The following DLGAP1 variants were observed in gnomAD, a reference collection of about 807,000 sequenced individuals.
The protein encoded by DLGAP1 is DLG associated protein 1.
DLGAP1 carries 11 observed loss-of-function variants against 90.8 expected under a neutral mutation model. The observed-to-expected ratio is 0.12, with a 90% CI of 0.08 to 0.20. The LOEUF (loss-of-function observed/expected upper bound fraction) is 0.20. DLGAP1 is among the 10% of genes least tolerant of loss of function. The pLI is 1.00. For missense variants in DLGAP1, 1,050 were observed against 1,333.8 expected, an observed-to-expected ratio of 0.79 and a Z score of 3.31; for synonymous variants, 558 against 540.7, an observed-to-expected ratio of 1.03 and a Z score of -0.44.
At chr18:4,319,329 T>A (rs2080616760) in intron 1 of DLGAP1, among the ~76,000 whole-genome samples, 1 of 152,202 alleles carries the variant, frequency 6.6e-6, no homozygotes, top group Admixed American at 6.5e-5. Context: ...GCGATTATAT[T>A]GTCCTAAATT....
chr18:3,891,643 G>A (rs1292579960), intron 3 of DLGAP1, among the ~76,000 whole-genome samples: 1 of 152,194 alleles, frequency 6.6e-6, no homozygotes, highest in Admixed American at 6.5e-5. Context: ...CCAGGCACGT[G>A]TTGTCCACTT....
intron 5 of DLGAP1, among the ~76,000 whole-genome samples, chr18:3,757,280 C>T (rs546283210): frequency 4.2e-4 from 64 of 152,244 alleles, no homozygotes; most frequent in Middle Eastern, 3.4e-3. Flanking sequence ...TGGTGGCATG[C>T]GCCTGTAGTC....
chr18:3,517,640 A>G lies in DLGAP1; in HGVS notation c.2480-8979T>C, dbSNP rs1599020024. Among the ~76,000 whole-genome samples the G allele has an allele frequency of 1.3e-5, 2 of 152,236 alleles. No individual in the cohort carries two copies. The highest frequency in any genetic ancestry group is 3.9e-4 in the East Asian group (2 of 5,174). ...CGAGACAAGCCTGACCAACATGGTGAAACCAAGTCTCTACTAAAAATACAA... is the reference window on the plus strand; with the variant it reads ...CGAGACAAGCCTGACCAACATGGTGGAACCAAGTCTCTACTAAAAATACAA... On this transcript the variant is annotated intron_variant, in intron 10 of 12. Coordinates refer to ENST00000315677, the MANE Select transcript of DLGAP1 (RefSeq NM_004746.4). This position sits in a 1 kb window ranked among gnomAD's most constrained non-coding sequence, Gnocchi z 4.1.
At chr18:4,125,427 A>G (rs2144149037) in intron 2 of DLGAP1, among the ~76,000 whole-genome samples, 1 of 152,298 alleles carries the variant, frequency 6.6e-6, no homozygotes, top group Non-Finnish European at 1.5e-5. Flanking sequence ...AAGCATTCCC[A>G]TCATTAGGGA....
At chr18:4,430,799 A>T (rs1217951631) in intron 1 of DLGAP1, 2 of 152,244 alleles carry the variant, frequency 1.3e-5, no homozygotes, top group East Asian at 3.9e-4. Context: ...ATTTAAACCT[A>T]CTCTCAGAAG....
At chr18:4,389,885 A>C (rs188386269) in intron 1 of DLGAP1, among the ~76,000 whole-genome samples, 1 of 152,332 alleles carries the variant, frequency 6.6e-6, no homozygotes, top group African/African-American at 2.4e-5. Context: ...TTTAAATATT[A>C]CTGGTGAATA....
intron 1 of DLGAP1, among the ~76,000 whole-genome samples, chr18:4,253,135 A>G (rs541606688): frequency 6.6e-6 from 1 of 152,152 alleles, no homozygotes; most frequent in South Asian, 2.1e-4. Flanking sequence ...AGAATCATTC[A>G]CTCCCTCAGT....
rs1599206196 is a variant in DLGAP1, at chr18:3,949,789, T to C, written c.-73+55327A>G. On this transcript the variant is annotated intron_variant, in intron 3 of 12. Coordinates refer to ENST00000315677, the MANE Select transcript of DLGAP1 (RefSeq NM_004746.4). The stretch of plus-strand genomic sequence containing the variant: ...AATCTGTTATTTTCTAAGAAGATCA[T>C]TTATAATATGGGTGAGATGTTAGTA... 1.3e-5 allele frequency among the ~76,000 whole-genome samples: 2 copies of C among 152,318 alleles called. 1 individual carries two copies. The highest frequency in any genetic ancestry group is 3.9e-4 in the East Asian group (2 of 5,192).
chr18:4,393,383 T>C (rs1221549195), intron 1 of DLGAP1, among the ~76,000 whole-genome samples: 1 of 152,136 alleles, frequency 6.6e-6, no homozygotes, highest in Non-Finnish European at 1.5e-5. Context: ...CCAGTCTCTT[T>C]CCCACGCAAG....
At chr18:3,854,369 GT>G (rs111447861) in intron 4 of DLGAP1, among the ~76,000 whole-genome samples, 10,973 of 152,166 alleles carry the variant, frequency 0.072, 1,025 homozygotes, top group African/African-American at 0.21. Context: ...ACATACATTG[GT>G]GGGGGAAATA....
intron 1 of DLGAP1, among the ~76,000 whole-genome samples, chr18:4,443,280 T>C (rs1395481361): frequency 6.6e-6 from 1 of 152,168 alleles, no homozygotes; most frequent in Admixed American, 6.5e-5. Flanking sequence ...CAATTATTAG[T>C]GGCCATGAAT....
At chr18:4,210,546 G>A (rs2077820711) in intron 1 of DLGAP1, among the ~76,000 whole-genome samples, 1 of 152,116 alleles carries the variant, frequency 6.6e-6, no homozygotes, top group Admixed American at 6.6e-5. Context: ...GATTCTTACT[G>A]CCTTGATTGA....
rs2069345677 is a variant in DLGAP1, at chr18:3,851,596, G to T, written c.957+27516C>A. Among the ~76,000 whole-genome samples the T allele has an allele frequency of 5.3e-5, 8 of 152,006 alleles. No homozygotes were observed. The South Asian group carries it at 1.7e-3, about 32-fold the overall frequency. On this transcript the variant is annotated intron_variant, in intron 4 of 12. Coordinates refer to ENST00000315677, the MANE Select transcript of DLGAP1 (RefSeq NM_004746.4). Reference sequence around the variant, plus strand: ...AGTAATACACATACAGATATGATAAGAAATATGGCCTATGACATGAATTTA... The same window carrying T: ...AGTAATACACATACAGATATGATAATAAATATGGCCTATGACATGAATTTA...
intron 4 of DLGAP1, among the ~76,000 whole-genome samples, chr18:3,829,729 T>A (rs556946076): frequency 6.6e-6 from 1 of 152,238 alleles, no homozygotes; most frequent in Admixed American, 6.5e-5. Flanking sequence ...TTGAGGCCCA[T>A]CCACATTATG....
intron 7 of DLGAP1, among the ~76,000 whole-genome samples, chr18:3,658,467 AG>A (rs1218772658): frequency 6.6e-6 from 1 of 152,232 alleles, no homozygotes; most frequent in African/African-American, 2.4e-5. Flanking sequence ...ATCTTCATAA[AG>A]GGGGTAATCA....
chr18:3,953,891 G>C (rs115387584), intron 3 of DLGAP1, among the ~76,000 whole-genome samples: 1 of 152,302 alleles, frequency 6.6e-6, no homozygotes, highest in African/African-American at 2.4e-5. Context: ...AAACTAGTAA[G>C]ATGGGAAAAA....
intron 3 of DLGAP1, among the ~76,000 whole-genome samples, chr18:3,914,695 T>C (rs749989330): frequency 3.9e-5 from 6 of 152,170 alleles, no homozygotes; most frequent in Non-Finnish European, 8.8e-5. Context: ...TGTACAAGGG[T>C]TCCCTTTTCT....
chr18:3,845,255 G>C (rs2068942919), intron 4 of DLGAP1: 1 of 1,612,806 alleles, frequency 6.2e-7, no homozygotes, highest in African/African-American at 1.3e-5. Context: ...ATGCCAAACA[G>C]AATGTCTTTA....
At chr18:3,875,076 G>T (rs1490022317) in intron 4 of DLGAP1, among the ~76,000 whole-genome samples, 1 of 152,166 alleles carries the variant, frequency 6.6e-6, no homozygotes, top group Non-Finnish European at 1.5e-5. Flanking sequence ...TTTATTATTG[G>T]TGATTACTAA....
Sources: gnomAD v4.1 joint callset for allele counts (sites outside exome capture counted in the v4.1 genomes callset) on GRCh38, gnomAD v4.1.1 for gene constraint, Gnocchi (gnomAD v3.1) non-coding constraint, MANE v1.5 for transcripts, NCBI Gene and HGNC (gene_info 2026-07-23, HGNC 2026-07-21) for gene names.